The following MALRD1 variants were observed in gnomAD, a reference collection of about 807,000 sequenced individuals.
The protein encoded by MALRD1 is MAM and LDL receptor class A domain containing 1, also known as MAM and LDL-receptor class A domain-containing protein 1.
In MALRD1, 247 loss-of-function variants were observed where a neutral mutation model predicts 242.1. The observed-to-expected ratio is 1.02, with a 90% CI of 0.92 to 1.13. The LOEUF (loss-of-function observed/expected upper bound fraction) is 1.13, where lower values mean the gene tolerates loss of function less well. Among genes scored for constraint, MALRD1 ranks in the 50% most tolerant of loss-of-function variants. The pLI is 0.00. For missense variants in MALRD1, 2,989 were observed against 2,533.1 expected (o/e 1.18, Z -3.86); for synonymous variants, 995 against 866.6 (o/e 1.15, Z -2.60).
intron 36 of MALRD1, among the ~76,000 whole-genome samples, chr10:19,665,240 GACAAA>G (rs1287261102): frequency 6.6e-6 from 1 of 152,000 alleles, no homozygotes; most frequent in Non-Finnish European, 1.5e-5. Flanking sequence ...GAAGTGACAA[GACAAA>G]ACAAAACAAA....
chr10:19,383,012 A>C (rs1483201432), intron 26 of MALRD1, among the ~76,000 whole-genome samples: 1 of 152,188 alleles, frequency 6.6e-6, no homozygotes, highest in African/African-American at 2.4e-5. Flanking sequence ...ACCACTACAG[A>C]TACCATGGAC....
chr10:19,302,553 T>C (rs914279330), intron 21 of MALRD1, among the ~76,000 whole-genome samples: 1 of 151,772 alleles, frequency 6.6e-6, no homozygotes, highest in Admixed American at 6.6e-5. Flanking sequence ...TGTATTTTTA[T>C]TGCATTGATA....
At position 19,205,249 on chromosome 10, in the gene MALRD1, T is replaced by C; in HGVS notation, c.2562T>C (p.Thr854=). ...TGGTGGATGACTGTGGTGATCGTAC[T>C]GATGAAGTCAACTGTGGTAAGTTCT... ...CDLVDDCGDR[T]DEVNCAPELQ... is the part of the protein sequence containing the mutation. The change falls in exon 17 of 40, where the codon ACT becomes ACC. Residue 854 remains threonine, a synonymous_variant. Transcript: ENST00000454679. 1 of 1,548,808 alleles carries C rather than the reference T, an allele frequency of 6.5e-7. No homozygotes were observed. Among genetic ancestry groups the C allele is most frequent in the Non-Finnish European group, 8.7e-7 (1 of 1,145,972 alleles).
chr10:19,446,385 A>G (rs1373979924), intron 28 of MALRD1, among the ~76,000 whole-genome samples: 1 of 152,156 alleles, frequency 6.6e-6, no homozygotes, highest in African/African-American at 2.4e-5. Context: ...AATACTAAAA[A>G]CTCTAGAAAT....
intron 31 of MALRD1, among the ~76,000 whole-genome samples, chr10:19,504,663 C>CT (rs1564397363): frequency 6.2e-5 from 8 of 128,692 alleles, no homozygotes; most frequent in Non-Finnish European, 1.1e-4. Context: ...TATTGTAACA[C>CT]ATTTTTTTTT....
At chr10:19,468,287 T>C (rs1836324108) in intron 29 of MALRD1, among the ~76,000 whole-genome samples, 1 of 152,222 alleles carries the variant, frequency 6.6e-6, no homozygotes, top group South Asian at 2.1e-4. Context: ...GACTGGGTGA[T>C]GCTTTTATTT....
At chr10:19,154,621 C>A (rs948646929) in intron 11 of MALRD1, among the ~76,000 whole-genome samples, 3 of 152,080 alleles carry the variant, frequency 2.0e-5, no homozygotes, top group African/African-American at 7.2e-5. Context: ...AGCTTTAATC[C>A]CCTCTAGCAC....
intron 38 of MALRD1, among the ~76,000 whole-genome samples, chr10:19,729,962 C>T (rs892292128): frequency 1.3e-5 from 2 of 151,918 alleles, no homozygotes; most frequent in Admixed American, 6.5e-5. Flanking sequence ...TGGTCTCGAT[C>T]TCCTGACCTC....
chr10:19,616,442 G>T (rs1839162314), intron 36 of MALRD1, among the ~76,000 whole-genome samples: 2 of 151,974 alleles, frequency 1.3e-5, no homozygotes, highest in Admixed American at 1.3e-4. Context: ...AATAGGCGTT[G>T]TGATTTCTTT....
chr10:19,237,731 ATTATATATAAT>A (rs1299075100), intron 18 of MALRD1, among the ~76,000 whole-genome samples: 24 of 109,356 alleles, frequency 2.2e-4, no homozygotes, highest in Non-Finnish European at 3.8e-4. Context: ...TAAATATATA[ATTATATATAAT>A]TTATATATAA....
intron 32 of MALRD1, among the ~76,000 whole-genome samples, chr10:19,532,340 C>T (rs1240232557): frequency 2.0e-5 from 3 of 152,108 alleles, no homozygotes; most frequent in Non-Finnish European, 2.9e-5. Context: ...CTGGAACCTC[C>T]GCCTCCCAGG....
chr10:19,327,348 A>C (rs983650457), intron 22 of MALRD1, among the ~76,000 whole-genome samples: 1 of 152,076 alleles, frequency 6.6e-6, no homozygotes, highest in East Asian at 1.9e-4. Flanking sequence ...ACAGATATTC[A>C]TGCACATCTT....
intron 21 of MALRD1, among the ~76,000 whole-genome samples, chr10:19,316,160 G>C (rs554723348): frequency 3.3e-5 from 5 of 151,258 alleles, no homozygotes; most frequent in South Asian, 4.2e-4. Context: ...AATTTACTAA[G>C]GACAATTGCT....
At chr10:19,618,854 C>T (rs1210935489) in intron 36 of MALRD1, among the ~76,000 whole-genome samples, 1 of 152,016 alleles carries the variant, frequency 6.6e-6, no homozygotes, top group Non-Finnish European at 1.5e-5. Flanking sequence ...GCCTGTCACT[C>T]TCCTTCACCC....
At chr10:19,555,947 A>G (rs1336672612) in intron 32 of MALRD1, among the ~76,000 whole-genome samples, 3 of 152,154 alleles carry the variant, frequency 2.0e-5, no homozygotes, top group East Asian at 1.9e-4. Context: ...TATTAACGGA[A>G]CAAGTGATTA....
intron 21 of MALRD1, among the ~76,000 whole-genome samples, chr10:19,292,190 T>C (rs1017329027): frequency 6.6e-6 from 1 of 152,058 alleles, no homozygotes; most frequent in Non-Finnish European, 1.5e-5. Context: ...AAAAACATCA[T>C]TTCAAGGCCC....
At chr10:19,105,024 T>G (rs1403913880) in intron 5 of MALRD1, among the ~76,000 whole-genome samples, 2 of 152,090 alleles carry the variant, frequency 1.3e-5, no homozygotes, top group Non-Finnish European at 2.9e-5. Context: ...CTCTTTGTAG[T>G]AAGAACATTT....
intron 28 of MALRD1, among the ~76,000 whole-genome samples, chr10:19,424,357 G>A (rs187398212): frequency 7.0e-4 from 107 of 151,958 alleles, no homozygotes; most frequent in Middle Eastern, 3.4e-3. Flanking sequence ...ATGGGGTTTC[G>A]CCATGTTGGC....
intron 33 of MALRD1, among the ~76,000 whole-genome samples, chr10:19,582,405 T>G (rs1837176287): frequency 6.8e-6 from 1 of 146,422 alleles, no homozygotes; most frequent in African/African-American, 2.5e-5. Flanking sequence ...TTGTATAAGG[T>G]GTAAGGAAGG....
Sources: gnomAD v4.1 joint callset for allele counts (sites outside exome capture counted in the v4.1 genomes callset) on GRCh38, gnomAD v4.1.1 for gene constraint, MANE v1.5 for transcripts, NCBI Gene and HGNC (gene_info 2026-07-23, HGNC 2026-07-21) for gene names.